The following SAMD12 variants were observed in gnomAD, a reference collection of about 807,000 sequenced individuals.
SAMD12 encodes the protein sterile alpha motif domain-containing protein 12.
In SAMD12, 9 loss-of-function variants were observed where a neutral mutation model predicts 15.0. The observed-to-expected ratio is 0.60, with a 90% confidence interval of 0.36 to 1.05. SAMD12 has a LOEUF of 1.05. Ranked by LOEUF, SAMD12 falls within the 50% of genes least tolerant of loss-of-function variation. The pLI is 0.01. For missense variants in SAMD12, 230 were observed against 234.2 expected, an observed-to-expected ratio of 0.98 and a Z score of 0.12; for synonymous variants, 86 against 90.1, an observed-to-expected ratio of 0.96 and a Z score of 0.25.
rs1255983002 is a variant in SAMD12 at position 118,445,402 on chromosome 8, C to A, written c.193-5441G>T. 3.3e-5 allele frequency among the ~76,000 whole-genome samples: 5 copies of A among 152,022 alleles called. No homozygotes were observed. In the South Asian group the frequency reaches 8.3e-4, roughly 25 times the overall value. Reference sequence around the variant, plus strand: ...ATCTTGTCTATTGCATGCTGTTTCCCGAATGGTCTATAAAATCTACATATT... The same window carrying A: ...ATCTTGTCTATTGCATGCTGTTTCCAGAATGGTCTATAAAATCTACATATT... On this transcript the variant is annotated intron_variant, in intron 2 of 3. Transcript: ENST00000314727.
intron 4 of SAMD12, among the ~76,000 whole-genome samples, chr8:118,219,701 A>C (rs1380521046): frequency 6.6e-6 from 1 of 152,202 alleles, no homozygotes; most frequent in Non-Finnish European, 1.5e-5. Flanking sequence ...ACATCCTGAC[A>C]ATATATGGAG....
intron 4 of SAMD12, among the ~76,000 whole-genome samples, chr8:118,265,017 G>C (rs981165881): frequency 6.6e-6 from 1 of 152,100 alleles, no homozygotes; most frequent in Non-Finnish European, 1.5e-5. Context: ...ACTGCAATGA[G>C]GCATTTTCAT....
At chr8:118,605,660 T>C (rs1827966080) in intron 1 of SAMD12, among the ~76,000 whole-genome samples, 1 of 151,822 alleles carries the variant, frequency 6.6e-6, no homozygotes, top group Admixed American at 6.6e-5. Context: ...TGAAATTTTT[T>C]TAAAGAAAGG....
intron 2 of SAMD12, among the ~76,000 whole-genome samples, chr8:118,453,278 G>C (rs1823138132): frequency 6.6e-6 from 1 of 152,004 alleles, no homozygotes; most frequent in South Asian, 2.1e-4. Flanking sequence ...TCAATAAGTA[G>C]CATTTAGCTT....
At chr8:118,456,197 A>T (rs1487763198) in intron 2 of SAMD12, among the ~76,000 whole-genome samples, 1 of 152,208 alleles carries the variant, frequency 6.6e-6, no homozygotes, top group Non-Finnish European at 1.5e-5. Flanking sequence ...CCTCTAACAT[A>T]TACAGCCCAC....
At chr8:118,167,485 C>A in the SAMD12 span, among the ~76,000 whole-genome samples, 1 of 152,154 alleles carries the variant, frequency 6.6e-6, no homozygotes, top group Non-Finnish European at 1.5e-5. Flanking sequence ...CAATACCCCT[C>A]TGTATCATAT....
At chr8:118,493,700 C>T (rs1824516086) in intron 2 of SAMD12, among the ~76,000 whole-genome samples, 1 of 152,150 alleles carries the variant, frequency 6.6e-6, no homozygotes. Context: ...TCAGTTGCCA[C>T]AGACCCACAA....
intron 2 of SAMD12, among the ~76,000 whole-genome samples, chr8:118,489,635 T>C (rs1356706645): frequency 1.1e-4 from 16 of 152,150 alleles, no homozygotes; most frequent in Admixed American, 1.0e-3. Flanking sequence ...TATCAGGATG[T>C]TTTTTATGTC....
intron 2 of SAMD12, among the ~76,000 whole-genome samples, chr8:118,510,254 G>T (rs1261425295): frequency 2.9e-4 from 44 of 150,244 alleles, no homozygotes; most frequent in Non-Finnish European, 7.4e-5. Flanking sequence ...ACACATGCAT[G>T]CACACACACA....
chr8:118,487,268 A>T (rs1824316981), intron 2 of SAMD12, among the ~76,000 whole-genome samples: 1 of 152,294 alleles, frequency 6.6e-6, no homozygotes, highest in African/African-American at 2.4e-5. Flanking sequence ...ATTATGTGGC[A>T]CATAATATAA....
exon 5 of SAMD12, chr8:118,192,198 T>A (rs1819424785): frequency 6.6e-6 from 1 of 151,918 alleles, no homozygotes; most frequent in South Asian, 2.1e-4. Context: ...GCATTACATA[T>A]TTGAATATAT....
intron 2 of SAMD12, among the ~76,000 whole-genome samples, chr8:118,465,716 A>T (rs978110256): frequency 1.3e-5 from 2 of 152,204 alleles, no homozygotes; most frequent in Non-Finnish European, 2.9e-5. Flanking sequence ...AAACAATTAC[A>T]TACAAACAAG....
At chr8:118,249,048 G>T (rs1812761482) in intron 4 of SAMD12, among the ~76,000 whole-genome samples, 1 of 152,076 alleles carries the variant, frequency 6.6e-6, no homozygotes, top group Non-Finnish European at 1.5e-5. Flanking sequence ...TGCAGTATTT[G>T]CATATAACCT....
chr8:118,266,763 T>C lies in SAMD12; in HGVS notation c.434-69031A>G, dbSNP rs1267695227. On this transcript the variant is annotated intron_variant, in intron 4 of 4. Coordinates refer to the SAMD12 transcript ENST00000409003. ...AAGATAAATACTGCATGATCTCTCTTATTTGTGGAATTAAAAAAATGGAAA... is the reference window on the plus strand; with the variant it reads ...AAGATAAATACTGCATGATCTCTCTCATTTGTGGAATTAAAAAAATGGAAA... Among the ~76,000 whole-genome samples the C allele has an allele frequency of 3.9e-5, 6 of 152,252 alleles. No homozygotes were observed. The South Asian group carries it at 1.2e-3, about 32-fold the overall frequency.
chr8:118,549,287 G>A (rs1017472540), intron 2 of SAMD12, among the ~76,000 whole-genome samples: 3 of 152,166 alleles, frequency 2.0e-5, no homozygotes, highest in African/African-American at 4.8e-5. Context: ...CCCCAAGTAG[G>A]GGCAAACTGA....
At chr8:118,545,121 G>GT (rs1184591599) in intron 2 of SAMD12, among the ~76,000 whole-genome samples, 7 of 152,132 alleles carry the variant, frequency 4.6e-5, no homozygotes, top group African/African-American at 1.7e-4. Flanking sequence ...ATAAATATGT[G>GT]TGTGTGCATG....
At chr8:118,210,510 A>C (rs935225209) in intron 4 of SAMD12, among the ~76,000 whole-genome samples, 1 of 152,190 alleles carries the variant, frequency 6.6e-6, no homozygotes, top group African/African-American at 2.4e-5. Context: ...ATGAGAAGCT[A>C]CCTATACCAT....
intron 4 of SAMD12, among the ~76,000 whole-genome samples, chr8:118,240,855 C>A (rs1399425377): frequency 2.6e-5 from 4 of 152,220 alleles, no homozygotes; most frequent in African/African-American, 9.6e-5. Context: ...AAGAGTCAAC[C>A]AGCAGTTGAC....
intron 3 of SAMD12, among the ~76,000 whole-genome samples, chr8:118,416,150 A>G (rs1365193679): frequency 6.6e-6 from 1 of 152,206 alleles, no homozygotes; most frequent in Non-Finnish European, 1.5e-5. Flanking sequence ...AGTAGAATCA[A>G]GGAGGCATCT....
Sources: allele counts gnomAD v4.1 joint callset (sites outside exome capture counted in the v4.1 genomes callset), GRCh38; gene constraint gnomAD v4.1.1; transcripts MANE v1.5; gene names NCBI Gene and HGNC (gene_info 2026-07-23, HGNC 2026-07-21).